DLGAP2: variants seen among roughly 807,000 people sequenced by gnomAD.
The protein encoded by DLGAP2 is disks large-associated protein 2.
DLGAP2 carries 26 observed loss-of-function variants against 100.3 expected under a neutral mutation model. The ratio of observed to expected loss-of-function variants is 0.26; its 90% CI spans 0.19 to 0.36. The LOEUF (loss-of-function observed/expected upper bound fraction) is 0.36. Ranked by LOEUF, DLGAP2 falls within the 10% of genes least tolerant of loss-of-function variation. The pLI, the probability that DLGAP2 is intolerant of heterozygous loss-of-function variation, is 1.00. For missense variants in DLGAP2, 1,858 were observed against 1,453.2 expected (o/e 1.28, Z -4.53); for synonymous variants, 886 against 630.1 (o/e 1.41, Z -6.08).
At chr8:1,519,605 C>T (rs1584979712) in intron 4 of DLGAP2, among the ~76,000 whole-genome samples, 1 of 152,368 alleles carries the variant, frequency 6.6e-6, no homozygotes, top group Admixed American at 6.5e-5. Context: ...CCTGGCTCTC[C>T]CCATGCACCT....
intron 3 of DLGAP2, among the ~76,000 whole-genome samples, chr8:1,441,374 C>G (rs577725128): frequency 6.6e-6 from 1 of 152,028 alleles, no homozygotes; most frequent in African/African-American, 2.4e-5. Context: ...TTTCTGAGAG[C>G]GATCAACCTA....
chr8:1,463,634 C>G (rs1013628186), intron 3 of DLGAP2, among the ~76,000 whole-genome samples: 2 of 152,260 alleles, frequency 1.3e-5, no homozygotes, highest in Non-Finnish European at 2.9e-5. Flanking sequence ...GCAATCCCAT[C>G]CAGGAGGCGG....
At position 1,168,917 on chromosome 8, in the gene DLGAP2, T is replaced by A. The variant is rs575074303; in HGVS notation, c.74-89934T>A. On this transcript the variant is annotated intron_variant, in intron 2 of 14. Transcript: ENST00000637795. Reference sequence around the variant, plus strand: ...CCCATTTGTCAATTTTGGCTTTTGTTGCCATTGCTTTTGGTGTTTTAGACA... The same window carrying A: ...CCCATTTGTCAATTTTGGCTTTTGTAGCCATTGCTTTTGGTGTTTTAGACA... Among the ~76,000 whole-genome samples, 304 of 127,146 alleles carry A rather than the reference T, an allele frequency of 2.4e-3. 7 individuals carry two copies. The South Asian group carries it at 0.033, about 14-fold the overall frequency. 83.4% of individuals were successfully genotyped at this position (127,146 alleles called of 152,430 possible). A position where few individuals can be genotyped will look rare whatever the true frequency, so the allele number is the denominator to read the frequency against.
chr8:1,446,030 A>G lies in DLGAP2; in HGVS notation c.107-55336A>G, dbSNP rs369535641. Among the ~76,000 whole-genome samples the G allele has an allele frequency of 6.9e-4, 105 of 151,584 alleles. No homozygotes were observed. The East Asian group carries it at 0.015, about 22-fold the overall frequency. On this transcript the variant is annotated intron_variant, in intron 3 of 14. Coordinates refer to ENST00000637795, the MANE Select transcript of DLGAP2 (RefSeq NM_001346810.2). Reference sequence around the variant, plus strand: ...GAGTAGGTTGCAAAAATTTTCTCCCATTTTGTAGGTTGCCTGTTCACTCTG... The same window carrying G: ...GAGTAGGTTGCAAAAATTTTCTCCCGTTTTGTAGGTTGCCTGTTCACTCTG...
intron 2 of DLGAP2, among the ~76,000 whole-genome samples, chr8:1,222,089 A>G (rs1161755938): frequency 6.6e-6 from 1 of 152,152 alleles, no homozygotes; most frequent in African/African-American, 2.4e-5. Context: ...TGTTTCAGCC[A>G]TTTCAATCTG....
intron 3 of DLGAP2, among the ~76,000 whole-genome samples, chr8:1,261,628 G>A (rs1799352759): frequency 1.3e-5 from 2 of 152,312 alleles, no homozygotes; most frequent in East Asian, 1.9e-4. Context: ...ACTGGGCTGC[G>A]GTTCTCTGAA....
intron 3 of DLGAP2, among the ~76,000 whole-genome samples, chr8:1,360,313 G>A (rs1801954693): frequency 7.3e-6 from 1 of 137,904 alleles, no homozygotes; most frequent in Non-Finnish European, 1.6e-5. Context: ...GGCTTCTCCG[G>A]GGCGGGGCTT....
At chr8:1,249,610 G>A (rs1425032545) in intron 2 of DLGAP2, among the ~76,000 whole-genome samples, 1 of 152,108 alleles carries the variant, frequency 6.6e-6, no homozygotes, top group African/African-American at 2.4e-5. Flanking sequence ...ATTTCTTTGG[G>A]CTTCTTTTTC....
intron 1 of DLGAP2, among the ~76,000 whole-genome samples, chr8:855,358 T>A (rs1797258023): frequency 6.6e-6 from 1 of 152,088 alleles, no homozygotes; most frequent in East Asian, 1.9e-4. Flanking sequence ...TTCTCTGTGC[T>A]CCCCACTCAA....
intron 2 of DLGAP2, among the ~76,000 whole-genome samples, chr8:1,038,970 A>T (rs199592234): frequency 6.6e-6 from 1 of 152,222 alleles, no homozygotes; most frequent in East Asian, 1.9e-4. Flanking sequence ...TTTAATTCTT[A>T]TGCACTGAAA....
intron 2 of DLGAP2, among the ~76,000 whole-genome samples, chr8:987,615 A>G (rs1373375827): frequency 2.6e-5 from 4 of 152,184 alleles, no homozygotes; most frequent in African/African-American, 9.7e-5. Context: ...TTATTTGTCA[A>G]GATCTTTAGC....
At chr8:1,214,975 C>A (rs571896707) in intron 2 of DLGAP2, among the ~76,000 whole-genome samples, 1 of 152,180 alleles carries the variant, frequency 6.6e-6, no homozygotes, top group African/African-American at 2.4e-5. Flanking sequence ...AATCTCGTTT[C>A]GGGAGAGCAC....
chr8:865,843 A>C (rs1797484607), intron 1 of DLGAP2, among the ~76,000 whole-genome samples: 1 of 152,154 alleles, frequency 6.6e-6, no homozygotes. Context: ...TTGCCCCCTC[A>C]GAGAGAGGTG....
intron 4 of DLGAP2, among the ~76,000 whole-genome samples, chr8:1,517,591 C>T (rs1800438082): frequency 6.6e-6 from 1 of 152,178 alleles, no homozygotes; most frequent in Admixed American, 6.5e-5. Context: ...TCTCCCCATC[C>T]ACCAGCAAGG....
chr8:1,372,285 C>T (rs1236153869), intron 3 of DLGAP2, among the ~76,000 whole-genome samples: 1 of 151,982 alleles, frequency 6.6e-6, no homozygotes, highest in African/African-American at 2.4e-5. Flanking sequence ...GGACGCTGGT[C>T]ACCGTGCTGC....
intron 2 of DLGAP2, among the ~76,000 whole-genome samples, chr8:1,024,090 C>A (rs1350487662): frequency 6.6e-6 from 1 of 152,022 alleles, no homozygotes; most frequent in South Asian, 2.1e-4. Flanking sequence ...GACGAGGCCT[C>A]CGGCTTGGGC....
intron 3 of DLGAP2, among the ~76,000 whole-genome samples, chr8:1,479,363 G>A (rs923056052): frequency 6.6e-6 from 1 of 152,234 alleles, no homozygotes; most frequent in East Asian, 1.9e-4. Context: ...CTCTGGGGAC[G>A]AAAGTGACCT....
In DLGAP2 at chr8:1,690,249, G is replaced by A. The variant is rs182717201; in HGVS notation, c.2705-1286G>A. On this transcript the variant is annotated intron_variant, in intron 12 of 14. Transcript: ENST00000637795. ...CATGCACCTGTAATCCCAGCTACTCGGGAGGCTGAGGCAGGAGAATCACTT... is the reference window on the plus strand; with the variant it reads ...CATGCACCTGTAATCCCAGCTACTCAGGAGGCTGAGGCAGGAGAATCACTT... Among the ~76,000 whole-genome samples, 759 of 151,808 alleles carry A rather than the reference G, an allele frequency of 5.0e-3. 10 individuals carry two copies. Among genetic ancestry groups the A allele is most frequent in the African/African-American group, 0.017 (716 of 41,374 alleles).
intron 2 of DLGAP2, chr8:1,248,700 AC>A (rs68082925): frequency 0.75 from 89,560 of 118,670 alleles, 34,854 homozygotes; most frequent in Middle Eastern, 0.88. Flanking sequence ...TGGGAAGAGG[AC>A]TGGGCATAGG....
Sources: allele counts gnomAD v4.1 joint callset (sites outside exome capture counted in the v4.1 genomes callset), GRCh38; gene constraint gnomAD v4.1.1; transcripts MANE v1.5; gene names NCBI Gene and HGNC (gene_info 2026-07-23, HGNC 2026-07-21).